The following TBC1D9 variants were observed in gnomAD, a reference collection of about 807,000 sequenced individuals.
TBC1D9 encodes TBC1 domain family member 9.
In TBC1D9, 63 loss-of-function variants were observed where a neutral mutation model predicts 132.0. The observed-to-expected ratio is 0.48, with a 90% CI of 0.39 to 0.59. TBC1D9 has a LOEUF of 0.59. Ranked by LOEUF, TBC1D9 falls within the 20% of genes least tolerant of loss-of-function variation. The pLI is 0.00. For synonymous variants in TBC1D9, 610 were observed against 609.9 expected, an observed-to-expected ratio of 1.00 and a Z score of 0.00; for missense variants, 1,261 against 1,592.7, an observed-to-expected ratio of 0.79 and a Z score of 3.54.
In TBC1D9 at chr4:140,641,089, G is replaced by GAA. The variant is rs1560869533; in HGVS notation, c.2338-1662_2338-1661insTT. 5.5e-3 allele frequency among the ~76,000 whole-genome samples: 83 copies of GAA among 15,168 alleles called. 1 individual carries two copies. The highest frequency in any genetic ancestry group is 0.037 in the African/African-American group (74 of 1,998). The allele number at this position is 15,168 out of a possible 152,430, so 10.0% of individuals were successfully genotyped here. The stretch of plus-strand genomic sequence containing the variant: ...TTAAATCTTACAATCATAATACTAA[G>GAA]CAAAAAAAAAAAAAACAAAAAAAAA... On this transcript the variant is annotated intron_variant, in intron 13 of 20. Coordinates refer to ENST00000442267, the MANE Select transcript of TBC1D9 (RefSeq NM_015130.3).
chr4:140,643,110 T>G, intron 13 of TBC1D9: 1 of 1,403,666 alleles, frequency 7.1e-7, no homozygotes, highest in Non-Finnish European at 9.8e-7. Flanking sequence ...AGCCGCAGGT[T>G]CTTGAGCGGG....
At chr4:140,730,403 A>C (rs1384189866) in intron 1 of TBC1D9, among the ~76,000 whole-genome samples, 2 of 152,146 alleles carry the variant, frequency 1.3e-5, no homozygotes, top group African/African-American at 4.8e-5. Flanking sequence ...AATGGATCTG[A>C]CGGCACTGTC....
intron 5 of TBC1D9, 100 bp from the exon 6 acceptor site, chr4:140,677,201 A>T: frequency 7.3e-7 from 1 of 1,373,942 alleles, no homozygotes; most frequent in Non-Finnish European, 1.0e-6. Context: ...CACCTCCTCA[A>T]TCTTGCTAGA....
chr4:140,738,795 C>T (rs889281538), intron 1 of TBC1D9, among the ~76,000 whole-genome samples: 1 of 152,130 alleles, frequency 6.6e-6, no homozygotes, highest in African/African-American at 2.4e-5. Context: ...ATTGTGGTCC[C>T]AAAGACAGCT....
At chr4:140,639,565 T>C (rs1736946730) in intron 13 of TBC1D9, 137 bp from the exon 14 acceptor site, 2 of 619,330 alleles carry the variant, frequency 3.2e-6, no homozygotes, top group Admixed American at 5.9e-5. Context: ...CAGTACACCT[T>C]TAGCTACTGT....
At chr4:140,643,514 G>C in intron 13 of TBC1D9, 3 of 882,134 alleles carry the variant, frequency 3.4e-6, no homozygotes, top group Non-Finnish European at 3.7e-6. Context: ...CCAGTCTCGG[G>C]CACTCTCCCT....
chr4:140,695,714 C>T (rs1386994217), intron 2 of TBC1D9, among the ~76,000 whole-genome samples: 4 of 152,216 alleles, frequency 2.6e-5, no homozygotes, highest in Non-Finnish European at 4.4e-5. Flanking sequence ...AAATGGCTTT[C>T]TACCTGTGCC....
intron 9 of TBC1D9, among the ~76,000 whole-genome samples, chr4:140,664,524 A>G (rs1336195461): frequency 6.6e-6 from 1 of 152,198 alleles, no homozygotes; most frequent in Non-Finnish European, 1.5e-5. Flanking sequence ...AGACTCAAAA[A>G]AGGACAAGAA....
intron 13 of TBC1D9, among the ~76,000 whole-genome samples, chr4:140,654,016 G>A (rs780147175): frequency 6.6e-5 from 10 of 152,238 alleles, no homozygotes; most frequent in Non-Finnish European, 1.0e-4. Flanking sequence ...TGAGAAAAAA[G>A]CTGAGTTGCC....
chr4:140,684,022 T>A (rs539055144), intron 3 of TBC1D9, among the ~76,000 whole-genome samples: 14 of 152,152 alleles, frequency 9.2e-5, no homozygotes, highest in African/African-American at 3.1e-4. Context: ...AAAAATTATA[T>A]AACAATATTG....
chr4:140,675,000 C>T (rs1023933464), intron 6 of TBC1D9, among the ~76,000 whole-genome samples: 20 of 152,110 alleles, frequency 1.3e-4, no homozygotes, highest in African/African-American at 4.8e-5. Flanking sequence ...TGAGCCATCA[C>T]ATCTGGCCTA....
chr4:140,680,680 G>C (rs768867929), intron 3 of TBC1D9, among the ~76,000 whole-genome samples: 2 of 151,882 alleles, frequency 1.3e-5, no homozygotes, highest in Non-Finnish European at 2.9e-5. Context: ...TCTTAGATTC[G>C]TGCTCCCACC....
intron 3 of TBC1D9, among the ~76,000 whole-genome samples, chr4:140,684,292 ATGCTACATAAGG>A (rs919558127): frequency 4.6e-5 from 7 of 152,142 alleles, no homozygotes; most frequent in Admixed American, 4.6e-4. Context: ...AATACACAAA[ATGCTACATAAGG>A]TGTTTGGATT....
chr4:140,754,374 G>A (rs1048828001), intron 1 of TBC1D9, among the ~76,000 whole-genome samples: 1 of 152,050 alleles, frequency 6.6e-6, no homozygotes, highest in African/African-American at 2.4e-5. Context: ...AGCACTTCGG[G>A]AGGCCAAAGT....
rs114496724 is a variant in TBC1D9 at position 140,752,044 on chromosome 4, G to A, written c.130+3872C>T. Among the ~76,000 whole-genome samples, 1,490 of 152,244 alleles carry A rather than the reference G, an allele frequency of 9.8e-3. 13 individuals carry two copies. Among genetic ancestry groups the A allele is most frequent in the Non-Finnish European group, 0.014 (923 of 68,016 alleles). On this transcript the variant is annotated intron_variant, in intron 1 of 20. Coordinates refer to ENST00000442267, the MANE Select transcript of TBC1D9 (RefSeq NM_015130.3). ...TCTACTGAAATTGATAATACATTAT[G>A]AGCTAGCAATTCCTCTCCTGTTTAT...
intron 1 of TBC1D9, among the ~76,000 whole-genome samples, chr4:140,707,131 T>C (rs1738161581): frequency 6.6e-6 from 1 of 150,834 alleles, no homozygotes; most frequent in Non-Finnish European, 1.5e-5. Context: ...TTACCAGGTT[T>C]TTTTTTTTAT....
At position 140,622,635 on chromosome 4, in the gene TBC1D9, T is replaced by C. The variant is rs1458299714; in HGVS notation, c.3361A>G (p.Ser1121Gly). 1 of 1,611,850 alleles carries C rather than the reference T, an allele frequency of 6.2e-7. No individual in the cohort carries two copies. Among genetic ancestry groups the C allele is most frequent in the African/African-American group, 1.3e-5 (1 of 74,914 alleles). Residue 1121 changes from serine (S) to glycine (G), a missense_variant, in exon 21 of 21, where the codon AGC (serine) becomes GGC (glycine). Ser to Gly is a moderately conservative substitution (Grantham distance 56). Transcript: ENST00000442267. ...EPLPASLAPD[S>G]EEHSLGGQME... ...TGTCCTCCAAGGGAGTGTTCCTCGC[T>C]GTCGGGGGCCAGGCTGGCCGGCAGG...
At chr4:140,744,502 T>C (rs1307940514) in intron 1 of TBC1D9, among the ~76,000 whole-genome samples, 2 of 152,186 alleles carry the variant, frequency 1.3e-5, no homozygotes, top group African/African-American at 4.8e-5. Context: ...AGAGATTAGC[T>C]AGGTGTCTAG....
At chr4:140,727,965 AAAATTTTCTTTAAG>A (rs932057658) in intron 1 of TBC1D9, among the ~76,000 whole-genome samples, 1 of 152,260 alleles carries the variant, frequency 6.6e-6, no homozygotes, top group East Asian at 1.9e-4. Context: ...TTCTCCAGAT[AAAATTTTCTTTAAG>A]AAATCATAGT....
Sources: gnomAD v4.1 joint callset for allele counts (sites outside exome capture counted in the v4.1 genomes callset) on GRCh38, gnomAD v4.1.1 for gene constraint, MANE v1.5 for transcripts, NCBI Gene and HGNC (gene_info 2026-07-23, HGNC 2026-07-21) for gene names.